Variants in FRMPD4 observed in about 807,000 individuals in gnomAD.
FRMPD4 encodes FERM and PDZ domain containing 4.
Under a neutral mutation model 94.1 loss-of-function variants are expected in FRMPD4, and 22 were observed. The observed-to-expected ratio is 0.23, with a 90% CI of 0.17 to 0.33. The LOEUF is 0.33. Ranked by LOEUF, FRMPD4 falls within the 10% of genes least tolerant of loss-of-function variation. FRMPD4 has a pLI of 1.00. For missense variants in FRMPD4, 1,111 were observed against 1,339.9 expected (o/e 0.83, Z 2.67); for synonymous variants, 631 against 548.6 (o/e 1.15, Z -2.10).
chrX:12,401,900 G>A (rs1391608695), intron 1 of FRMPD4, among the ~76,000 whole-genome samples: 1 of 111,526 alleles, frequency 9.0e-6, no homozygotes, highest in African/African-American at 3.3e-5. Context: ...GTCCAGAGTT[G>A]ACTACAGAGT....
intron 10 of FRMPD4, among the ~76,000 whole-genome samples, chrX:12,703,793 A>C (rs140206580): frequency 0.012 from 1,342 of 112,037 alleles, 9 homozygotes; most frequent in Non-Finnish European, 0.02. Flanking sequence ...CATGAATCAC[A>C]CCCAATTCCA....
chrX:12,139,551 T>G (rs10610129), intron 1 of FRMPD4, among the ~76,000 whole-genome samples: 14,444 of 81,259 alleles, frequency 0.18, 1,048 homozygotes, highest in African/African-American at 0.21. Flanking sequence ...TTTTTTTTTT[T>G]GGGGGGGGGG....
intron 1 of FRMPD4, among the ~76,000 whole-genome samples, chrX:12,308,086 G>A (rs1194984866): frequency 8.9e-6 from 1 of 111,843 alleles, no homozygotes; most frequent in Admixed American, 9.4e-5. Flanking sequence ...TCAGCTGTGA[G>A]GTCCTAGCAT....
intron 1 of FRMPD4, among the ~76,000 whole-genome samples, chrX:12,282,470 T>C (rs1212943166): frequency 8.9e-6 from 1 of 112,718 alleles, no homozygotes; most frequent in Admixed American, 9.3e-5. Flanking sequence ...ATTTCTTTTA[T>C]GGATGAAGGG....
intron 1 of FRMPD4, among the ~76,000 whole-genome samples, chrX:12,326,171 A>G (rs985730703): frequency 8.1e-5 from 9 of 111,468 alleles, no homozygotes; most frequent in African/African-American, 2.6e-4. Flanking sequence ...TATTTTTTTT[A>G]TCCATGCTAA....
chrX:12,352,831 C>T (rs2055835701), intron 1 of FRMPD4, among the ~76,000 whole-genome samples: 1 of 112,114 alleles, frequency 8.9e-6, no homozygotes, highest in African/African-American at 3.2e-5. Flanking sequence ...CTTGGATCTT[C>T]GTTACTTTTT....
chrX:12,205,174 T>C (rs1258922158), intron 1 of FRMPD4, among the ~76,000 whole-genome samples: 1 of 109,380 alleles, frequency 9.1e-6, no homozygotes, highest in Non-Finnish European at 1.9e-5. Context: ...CCATGAAGCC[T>C]GTTCCCAGTG....
chrX:11,989,942 G>A (rs1253331834), intron 3 of FRMPD4, among the ~76,000 whole-genome samples: 2 of 111,487 alleles, frequency 1.8e-5, no homozygotes, highest in African/African-American at 3.3e-5. Context: ...AGAATACCCC[G>A]TGATTCCACT....
At chrX:12,069,471 C>A (rs1364576779) in intron 3 of FRMPD4, among the ~76,000 whole-genome samples, 1 of 111,987 alleles carries the variant, frequency 8.9e-6, no homozygotes, top group African/African-American at 3.2e-5. Context: ...TCAGTTGCCA[C>A]AGCAGAGGTG....
intron 3 of FRMPD4, among the ~76,000 whole-genome samples, chrX:11,998,714 T>C (rs996202431): frequency 5.4e-5 from 6 of 112,115 alleles, no homozygotes; most frequent in Non-Finnish European, 9.4e-5. Context: ...ATCCAAACCA[T>C]AGGTAATGTG....
intron 3 of FRMPD4, among the ~76,000 whole-genome samples, chrX:12,069,694 C>T (rs764687193): frequency 9.0e-6 from 1 of 111,415 alleles, no homozygotes; most frequent in Non-Finnish European, 1.9e-5. Context: ...CCAGGGCACC[C>T]CAGTGTTTTG....
In FRMPD4 at chrX:11,977,256, G is replaced by A. The variant is rs187214282; in HGVS notation, c.95+99238G>A. The stretch of plus-strand genomic sequence containing the variant: ...TGTAGTCATTGGTCTTAGAAATGGA[G>A]TCTATACAATGGTGGTATCAAGGAT... On this transcript the variant is annotated intron_variant, in intron 3 of 18. Transcript: ENST00000640291. Among the ~76,000 whole-genome samples, 340 of 112,106 alleles carry A rather than the reference G, an allele frequency of 3.0e-3. 1 individual carries two copies. Among genetic ancestry groups the A allele is most frequent in the African/African-American group, 0.011 (330 of 30,895 alleles).
chrX:12,132,216 G>A (rs927647885), intron 3 of FRMPD4, among the ~76,000 whole-genome samples: 4 of 103,390 alleles, frequency 3.9e-5, no homozygotes, highest in Non-Finnish European at 7.8e-5. Flanking sequence ...TTTGATGATC[G>A]GTTTCAGGTG....
At chrX:12,475,943 C>T (rs973888562) in intron 1 of FRMPD4, among the ~76,000 whole-genome samples, 1 of 111,448 alleles carries the variant, frequency 9.0e-6, no homozygotes, top group Non-Finnish European at 1.9e-5. Flanking sequence ...TGACTTTCTT[C>T]ACAGAATTGG....
At chrX:12,405,113 A>AT (rs1209340568) in intron 1 of FRMPD4, among the ~76,000 whole-genome samples, 2 of 111,694 alleles carry the variant, frequency 1.8e-5, no homozygotes, top group Non-Finnish European at 3.8e-5. Flanking sequence ...TGGCATTGGT[A>AT]TTTTTAAAAG....
At chrX:12,376,415 T>C (rs1458971980) in intron 1 of FRMPD4, among the ~76,000 whole-genome samples, 4 of 112,745 alleles carry the variant, frequency 3.5e-5, no homozygotes. Flanking sequence ...CACAGGCTTA[T>C]ACTAATGGCT....
At chrX:12,085,728 C>T (rs1375246353) in intron 3 of FRMPD4, among the ~76,000 whole-genome samples, 21 of 108,273 alleles carry the variant, frequency 1.9e-4, no homozygotes, top group African/African-American at 7.1e-4. Context: ...AAAAATTAGC[C>T]AGGGGTGGTG....
At chrX:12,307,446 C>A (rs1053757817) in intron 1 of FRMPD4, among the ~76,000 whole-genome samples, 1 of 112,237 alleles carries the variant, frequency 8.9e-6, no homozygotes, top group Non-Finnish European at 1.9e-5. Context: ...CTCCATGTAA[C>A]AACTTGGATG....
intron 9 of FRMPD4, among the ~76,000 whole-genome samples, chrX:12,698,144 T>C (rs369532102): frequency 1.2e-4 from 14 of 112,020 alleles, no homozygotes; most frequent in African/African-American, 4.5e-4. Flanking sequence ...ATAAAATCAA[T>C]TTAACTTAGT....
Sources: allele counts gnomAD v4.1 joint callset (sites outside exome capture counted in the v4.1 genomes callset), GRCh38; gene constraint gnomAD v4.1.1; transcripts MANE v1.5; gene names NCBI Gene and HGNC (gene_info 2026-07-23, HGNC 2026-07-21).